PDZD2: variants seen among roughly 807,000 people sequenced by gnomAD.
PDZD2 encodes PDZ domain containing 2.
A neutral mutation model predicts 220.7 loss-of-function variants in PDZD2; 90 were observed. That is an observed-to-expected ratio of 0.41 (90% CI 0.34 to 0.49). The LOEUF (loss-of-function observed/expected upper bound fraction) is 0.49. Ranked by LOEUF, PDZD2 falls within the 20% of genes least tolerant of loss-of-function variation. PDZD2 has a pLI of 0.28. For synonymous variants in PDZD2, 1,375 were observed against 1,450.5 expected, an observed-to-expected ratio of 0.95 and a Z score of 1.18; for missense variants, 3,174 against 3,608.5, an observed-to-expected ratio of 0.88 and a Z score of 3.08.
intron 2 of PDZD2, among the ~76,000 whole-genome samples, chr5:31,952,238 A>C (rs534105771): frequency 6.6e-6 from 1 of 152,354 alleles, no homozygotes; most frequent in South Asian, 2.1e-4. Flanking sequence ...CATCATAAAC[A>C]CTGCATTCTG....
chr5:31,707,311 T>A (rs442312), intron 1 of PDZD2, among the ~76,000 whole-genome samples: 6,392 of 139,548 alleles, frequency 0.046, 230 homozygotes, highest in African/African-American at 0.1. Flanking sequence ...ATAAATAAAT[T>A]AATTAATTAA....
At chr5:31,726,283 C>A (rs946545624) in intron 1 of PDZD2, among the ~76,000 whole-genome samples, 1 of 152,200 alleles carries the variant, frequency 6.6e-6, no homozygotes, top group African/African-American at 2.4e-5. Context: ...AATCCCACCG[C>A]TTTGGGAGGC....
At chr5:31,875,360 G>T (rs1025886086) in intron 2 of PDZD2, among the ~76,000 whole-genome samples, 2 of 152,004 alleles carry the variant, frequency 1.3e-5, no homozygotes, top group Non-Finnish European at 2.9e-5. Context: ...GAGGCAGACC[G>T]ATCACTTGAG....
chr5:31,651,073 G>A (rs1411604378), intron 1 of PDZD2, among the ~76,000 whole-genome samples: 1 of 152,156 alleles, frequency 6.6e-6, no homozygotes, highest in African/African-American at 2.4e-5. Flanking sequence ...TTTCCCTGTT[G>A]TTGGACCTCC....
chr5:31,888,200 T>C (rs997847568), intron 2 of PDZD2, among the ~76,000 whole-genome samples: 5 of 152,100 alleles, frequency 3.3e-5, no homozygotes, highest in African/African-American at 1.2e-4. Flanking sequence ...TTCTCTTTCC[T>C]TCCTTCCTTC....
chr5:31,826,912 A>G (rs1756262378), intron 2 of PDZD2, among the ~76,000 whole-genome samples: 2 of 152,132 alleles, frequency 1.3e-5, no homozygotes, highest in Non-Finnish European at 2.9e-5. Flanking sequence ...CCTGGAATCG[A>G]GCCGGGGTGA....
At chr5:32,069,205 G>A (rs1313453826) in intron 14 of PDZD2, among the ~76,000 whole-genome samples, 1 of 149,466 alleles carries the variant, frequency 6.7e-6, no homozygotes, top group African/African-American at 2.5e-5. Flanking sequence ...GGCGGAGGTT[G>A]CAGCGAGCCA....
intron 1 of PDZD2, among the ~76,000 whole-genome samples, chr5:31,722,774 C>T (rs1341071906): frequency 1.3e-5 from 2 of 151,930 alleles, no homozygotes; most frequent in Non-Finnish European, 2.9e-5. Context: ...ACTGCAACCT[C>T]TGCCTCCCGG....
intron 2 of PDZD2, among the ~76,000 whole-genome samples, chr5:31,888,198 C>G (rs540115472): frequency 1.3e-5 from 2 of 151,180 alleles, no homozygotes; most frequent in African/African-American, 4.9e-5. Context: ...TTTTCTCTTT[C>G]CTTCCTTCCT....
chr5:31,822,951 A>G, intron 2 of PDZD2: 3 of 1,057,926 alleles, frequency 2.8e-6, no homozygotes, highest in Non-Finnish European at 4.2e-6. Flanking sequence ...CCTTTCTGTT[A>G]CCCCACCATT....
chr5:31,932,270 C>T (rs558559060), intron 2 of PDZD2, among the ~76,000 whole-genome samples: 15 of 152,240 alleles, frequency 9.9e-5, no homozygotes, highest in South Asian at 8.3e-4. Context: ...AAAACCAAAC[C>T]GGGTGCAGTG....
At chr5:31,867,977 GT>G (rs1738384334) in intron 2 of PDZD2, among the ~76,000 whole-genome samples, 2 of 152,172 alleles carry the variant, frequency 1.3e-5, no homozygotes, top group Admixed American at 6.6e-5. Flanking sequence ...TGTGCTGGGA[GT>G]TTTAACTGGG....
intron 2 of PDZD2, chr5:31,832,313 G>C (rs1358587441): frequency 6.6e-6 from 1 of 152,182 alleles, no homozygotes; most frequent in Non-Finnish European, 1.5e-5. Flanking sequence ...TCAGCCTGGT[G>C]TGATGAAAAA....
chr5:31,667,790 T>C (rs1014680698), intron 1 of PDZD2, among the ~76,000 whole-genome samples: 14 of 151,598 alleles, frequency 9.2e-5, no homozygotes, highest in Non-Finnish European at 1.9e-4. Flanking sequence ...TGGGGCAATG[T>C]TGCTGGGCCC....
intron 5 of PDZD2, among the ~76,000 whole-genome samples, chr5:32,003,314 A>ACACC (rs1752472827): frequency 1.5e-5 from 1 of 66,528 alleles, no homozygotes; most frequent in African/African-American, 6.4e-5. Context: ...CACCACACAC[A>ACACC]CCCCACACAC....
chr5:31,822,302 C>T (rs1465601216), intron 2 of PDZD2, among the ~76,000 whole-genome samples: 1 of 123,088 alleles, frequency 8.1e-6, no homozygotes, highest in Admixed American at 9.8e-5. Flanking sequence ...TTTGAGAGAG[C>T]GTCTCACTTT....
chr5:31,925,849 A>G (rs1561096870), intron 2 of PDZD2, among the ~76,000 whole-genome samples: 1 of 152,186 alleles, frequency 6.6e-6, no homozygotes, highest in South Asian at 2.1e-4. Context: ...GCCAGCAAAC[A>G]TGAAAAAATG....
intron 1 of PDZD2, among the ~76,000 whole-genome samples, chr5:31,673,808 T>G (rs1437775313): frequency 6.6e-6 from 1 of 151,986 alleles, no homozygotes; most frequent in African/African-American, 2.4e-5. Flanking sequence ...TTGTCTCTAC[T>G]AAAAATACAA....
At chr5:31,863,868 CAAAT>C (rs1403727457) in intron 2 of PDZD2, among the ~76,000 whole-genome samples, 2 of 152,204 alleles carry the variant, frequency 1.3e-5, no homozygotes, top group Admixed American at 1.3e-4. Context: ...TTTTGTAGAA[CAAAT>C]AATTTTTTAA....
Sources: allele counts gnomAD v4.1 joint callset (sites outside exome capture counted in the v4.1 genomes callset), GRCh38; gene constraint gnomAD v4.1.1; transcripts MANE v1.5; gene names NCBI Gene and HGNC (gene_info 2026-07-23, HGNC 2026-07-21).